MCM8: variants seen among roughly 807,000 people sequenced by gnomAD.
MCM8 encodes DNA helicase MCM8.
MCM8 carries 85 observed loss-of-function variants against 98.9 expected under a neutral mutation model. The observed-to-expected ratio is 0.86, with a 90% CI of 0.72 to 1.03. The LOEUF is 1.03. MCM8 is among the 50% of genes least tolerant of loss of function. The pLI is 0.00. For synonymous variants in MCM8, 352 were observed against 338.6 expected (o/e 1.04, Z -0.44); for missense variants, 951 against 997.8 (o/e 0.95, Z 0.63).
At chr20:5,951,215 G>C (rs1384944625) in intron 1 of MCM8, 192 bp downstream of exon 1, 1 of 152,210 alleles carries the variant, frequency 6.6e-6, no homozygotes, top group African/African-American at 2.4e-5. Flanking sequence ...CTCAGCTTGG[G>C]AGGCTGAAAG....
chr20:5,995,894 A>G lies in MCM8; in HGVS notation c.*1503A>G, dbSNP rs1162095054. The stretch of plus-strand genomic sequence containing the variant: ...TGTAAATAAAAAGAACTGGCAGTGT[A>G]TATCAGATGTTTAACTATAGGACCA... On this transcript the variant is annotated 3_prime_UTR_variant, in exon 19 of 19. Coordinates refer to ENST00000610722, the MANE Select transcript of MCM8 (RefSeq NM_032485.6). 6.6e-6 allele frequency: 1 copy of G among 152,274 alleles called. No individual in the cohort carries two copies. The highest frequency in any genetic ancestry group is 2.4e-5 in the African/African-American group (1 of 41,478). 9.4% of individuals were successfully genotyped at this position (152,274 alleles called of 1,614,324 possible).
intron 1 of MCM8, among the ~76,000 whole-genome samples, chr20:5,951,765 C>T (rs889458320): frequency 3.3e-5 from 5 of 152,050 alleles, no homozygotes; most frequent in South Asian, 2.1e-4. Context: ...AACCTGTGAG[C>T]GTCTAGTATA....
rs200285727 is a variant in MCM8 at position 5,957,155 on chromosome 20, A to G, written c.516A>G (p.Ala172=). The part of the protein sequence containing the change: ...QVLTKDLERH[A]AELQAQEGLS... ...TAACTAAGGACCTTGAAAGGCATGCAGCTGAGTTACAAGCCCAGGAAGGAT... is the reference window on the plus strand; with the variant it reads ...TAACTAAGGACCTTGAAAGGCATGCGGCTGAGTTACAAGCCCAGGAAGGAT... Residue 172 remains alanine, a synonymous_variant, in exon 6 of 19, where the codon GCA becomes GCG. Transcript: ENST00000610722. 22 of 1,613,776 alleles carry G rather than the reference A, an allele frequency of 1.4e-5. No individual in the cohort carries two copies. The highest frequency in any genetic ancestry group is 8.3e-5 in the Admixed American group (5 of 59,992).
At chr20:5,957,924 G>A (rs2089029442) in intron 6 of MCM8, among the ~76,000 whole-genome samples, 1 of 152,084 alleles carries the variant, frequency 6.6e-6, no homozygotes, top group African/African-American at 2.4e-5. Context: ...AAATTTCCTA[G>A]CAGTTCTTTA....
chr20:5,968,561 C>G lies in MCM8; in HGVS notation c.1223+536C>G, dbSNP rs371717276. Reference sequence around the variant, plus strand: ...CTCTGTCTTTAAAAAAAAAAAAATTCTGATTTCAGTGTCCATAAATAAAGT... The same window carrying G: ...CTCTGTCTTTAAAAAAAAAAAAATTGTGATTTCAGTGTCCATAAATAAAGT... On this transcript the variant is annotated intron_variant, in intron 10 of 18. Coordinates refer to ENST00000610722, the MANE Select transcript of MCM8 (RefSeq NM_032485.6). 6.6e-5 allele frequency among the ~76,000 whole-genome samples: 10 copies of G among 152,186 alleles called. No homozygotes were observed. In the South Asian group the frequency reaches 2.1e-3, roughly 32 times the overall value.
chr20:5,988,392 G>T (rs2089776267), intron 17 of MCM8, among the ~76,000 whole-genome samples: 1 of 151,968 alleles, frequency 6.6e-6, no homozygotes, highest in African/African-American at 2.4e-5. Flanking sequence ...AACCTGGGAG[G>T]TGGAGGTTGC....
In MCM8 at chr20:5,958,809, GA is replaced by G. The variant is rs1381528434; in HGVS notation, c.789+85del. On this transcript the variant is annotated intron_variant, in intron 7 of 18. Coordinates refer to ENST00000610722, the MANE Select transcript of MCM8 (RefSeq NM_032485.6). ...ACAGAAAACATTTCCCAGTGTTTCT[GA>G]ACACAGAGCTTATTTTTATTTTTTA... The G allele has an allele frequency of 3.3e-6, 4 of 1,217,604 alleles. No individual in the cohort carries two copies. In the Admixed American group the frequency reaches 9.5e-5, roughly 29 times the overall value. 75.4% of individuals were successfully genotyped at this position (1,217,604 alleles called of 1,614,324 possible).
At chr20:5,993,789 C>A in intron 18 of MCM8, 94 bp downstream of exon 18, 1 of 1,017,060 alleles carries the variant, frequency 9.8e-7, no homozygotes, top group Non-Finnish European at 1.4e-6. Flanking sequence ...ATTTAAAATT[C>A]ATACCTGCTT....
At chr20:5,964,991 A>C (rs116477696) in intron 8 of MCM8, among the ~76,000 whole-genome samples, 2 of 152,164 alleles carry the variant, frequency 1.3e-5, no homozygotes, top group Non-Finnish European at 2.9e-5. Flanking sequence ...CAGTCATTCT[A>C]TGTGAGCTGA....
At chr20:5,984,202 C>T (rs558597854) in intron 14 of MCM8, among the ~76,000 whole-genome samples, 1 of 152,066 alleles carries the variant, frequency 6.6e-6, no homozygotes, top group Non-Finnish European at 1.5e-5. Context: ...AAATTAGAGC[C>T]TTAAGCCTAG....
In MCM8 at chr20:5,957,172, A is replaced by C; in HGVS notation, c.533A>C (p.Gln178Pro). 1 of 1,613,820 alleles carries C rather than the reference A, an allele frequency of 6.2e-7. No individual in the cohort carries two copies. Among genetic ancestry groups the C allele is most frequent in the Non-Finnish European group, 8.5e-7 (1 of 1,179,810 alleles). ...LERHAAELQA[Q>P]EGLSNDGETM... The stretch of plus-strand genomic sequence containing the variant: ...AGGCATGCAGCTGAGTTACAAGCCC[A>C]GGAAGGATTGTCTAATGATGGAGAA... The change falls in exon 6 of 19, where the codon CAG becomes CCG. Residue 178 changes from glutamine to proline, a missense_variant. Physicochemically the swap from Gln to Pro is moderately conservative, Grantham distance 76 (BLOSUM62 -1). Transcript: ENST00000610722.
rs138914775 is a variant in MCM8, at chr20:5,953,731, C to T, written c.254-877C>T. On this transcript the variant is annotated intron_variant, in intron 3 of 18. Coordinates refer to ENST00000610722, the MANE Select transcript of MCM8 (RefSeq NM_032485.6). ...CTCGTTATCCGCCCGCCTCGGCCTC[C>T]CAAAGTGCTAGGATTCCAGACGTGA... 6.0e-3 allele frequency among the ~76,000 whole-genome samples: 913 copies of T among 152,044 alleles called. 14 individuals are homozygous for T. Among genetic ancestry groups the T allele is most frequent in the African/African-American group, 0.021 (885 of 41,452 alleles).
chr20:5,993,473 C>T, intron 17 of MCM8, 33 bp from the exon 18 acceptor site: 1 of 1,487,598 alleles, frequency 6.7e-7, no homozygotes, highest in Non-Finnish European at 9.0e-7. Context: ...GGCAGTGCTA[C>T]ATTGGGTAAT....
intron 17 of MCM8, 54 bp from the exon 18 acceptor site, chr20:5,993,452 A>G: frequency 1.4e-6 from 2 of 1,381,974 alleles, no homozygotes; most frequent in Non-Finnish European, 1.9e-6. Context: ...GCCCAGGACA[A>G]CAATTTCTAT....
In MCM8 at chr20:5,963,304, T is replaced by A; in HGVS notation, c.820T>A (p.Phe274Ile). 6.2e-7 allele frequency: 1 copy of A among 1,614,110 alleles called. No homozygotes were observed. The highest frequency in any genetic ancestry group is 1.3e-5 in the African/African-American group (1 of 75,050). ...TGTGCCTGTGTGTCGAGGCAGGTCATTTACTGCTCTCCGCAGCTCTCCTCT... is the reference window on the plus strand; with the variant it reads ...TGTGCCTGTGTGTCGAGGCAGGTCAATTACTGCTCTCCGCAGCTCTCCTCT... ...CPVPVCRGRS[F>I]TALRSSPLTV... The change falls in exon 8 of 19, where the codon TTT becomes ATT. Residue 274 changes from phenylalanine (F) to isoleucine (I), a missense_variant. By Grantham distance (21) the Phe-to-Ile change is conservative (BLOSUM62 0). Coordinates refer to ENST00000610722, the MANE Select transcript of MCM8 (RefSeq NM_032485.6).
rs11472210 is a variant in MCM8, at chr20:5,994,478, GAC to G, written c.*131_*132del. The G allele has an allele frequency of 0.18, 67,462 of 379,882 alleles. 1,649 individuals carry two copies. The highest frequency in any genetic ancestry group is 0.19 in the Non-Finnish European group (39,767 of 212,516). The allele number at this position is 379,882 out of a possible 1,614,324, so 23.5% of individuals were successfully genotyped here. ...ATATGCGTGCACGCACAGACAGACA[GAC>G]ACACACACACACACACACACACACA... is the stretch of plus-strand genomic sequence containing the variant. On this transcript the variant is annotated 3_prime_UTR_variant, in exon 19 of 19. Transcript: ENST00000610722.
At chr20:5,965,358 C>T (rs923163617) in intron 8 of MCM8, 4 of 152,180 alleles carry the variant, frequency 2.6e-5, no homozygotes, top group Admixed American at 1.3e-4. Flanking sequence ...ACCATCTTCA[C>T]GTTCCACTGT....
chr20:5,978,492 A>T (rs778966087), intron 13 of MCM8, among the ~76,000 whole-genome samples: 2 of 152,204 alleles, frequency 1.3e-5, no homozygotes, highest in Non-Finnish European at 2.9e-5. Context: ...AAACCTTGGC[A>T]CTGACAAAAA....
chr20:5,954,599 T>C lies in MCM8; in HGVS notation c.254-9T>C, dbSNP rs759021106. 14 of 1,569,604 alleles carry C rather than the reference T, an allele frequency of 8.9e-6. No homozygotes were observed. The highest frequency in any genetic ancestry group is 1.2e-5 in the Non-Finnish European group (14 of 1,141,056). On this transcript the variant is annotated splice_polypyrimidine_tract_variant and intron_variant, in intron 3 of 18. Transcript: ENST00000610722. ...ATTATTTGTGCTAATGCCATATTTGTTGGATTAGTTTACAGCGATAGCTCT... is the reference window on the plus strand; with the variant it reads ...ATTATTTGTGCTAATGCCATATTTGCTGGATTAGTTTACAGCGATAGCTCT...
Sources: gnomAD v4.1 joint callset for allele counts (sites outside exome capture counted in the v4.1 genomes callset) on GRCh38, gnomAD v4.1.1 for gene constraint, MANE v1.5 for transcripts, NCBI Gene and HGNC (gene_info 2026-07-23, HGNC 2026-07-21) for gene names.